KAZN: variants seen among roughly 807,000 people sequenced by gnomAD.
KAZN encodes the protein kazrin, periplakin interacting protein.
Under a neutral mutation model 87.4 loss-of-function variants are expected in KAZN, and 40 were observed. The observed-to-expected ratio is 0.46, with a 90% CI of 0.36 to 0.60. The LOEUF is 0.60. Ranked by LOEUF, KAZN falls within the 20% of genes least tolerant of loss-of-function variation. KAZN has a pLI of 0.00. For synonymous variants in KAZN, 466 were observed against 458.3 expected (o/e 1.02, Z -0.22); for missense variants, 898 against 1,073.9 (o/e 0.84, Z 2.29).
At chr1:14,641,958 C>A (rs1680437266) in intron 1 of KAZN, among the ~76,000 whole-genome samples, 1 of 152,198 alleles carries the variant, frequency 6.6e-6, no homozygotes, top group African/African-American at 2.4e-5. Context: ...AAAGAATTCT[C>A]AAACTCAGAC....
intron 1 of KAZN, among the ~76,000 whole-genome samples, chr1:13,975,679 CACCGG>C (rs1347025818): frequency 6.6e-6 from 1 of 152,136 alleles, no homozygotes; most frequent in Non-Finnish European, 1.5e-5. Flanking sequence ...AAACTTAACA[CACCGG>C]CAGGTAGATA....
chr1:15,101,008 G>A (rs951343885), intron 10 of KAZN, among the ~76,000 whole-genome samples: 3 of 152,154 alleles, frequency 2.0e-5, no homozygotes, highest in African/African-American at 7.2e-5. Flanking sequence ...TGGAGGGGCG[G>A]GGTCCCCAGA....
Position 14,413,645 on chromosome 1 carries a change from A to G in KAZN, c.250-185338A>G, listed in dbSNP as rs150971684. Among the ~76,000 whole-genome samples, 428 of 151,406 alleles carry G rather than the reference A, an allele frequency of 2.8e-3. 1 individual carries two copies. Among genetic ancestry groups the G allele is most frequent in the African/African-American group, 1.0e-2 (412 of 41,290 alleles). ...CGCATTTAAGAGAAAATATAGGAAG[A>G]CTACCTTTATGACCTCTTGGTAGAG... On this transcript the variant is annotated intron_variant, in intron 2 of 16. Coordinates refer to the KAZN transcript ENST00000636203.
chr1:14,261,603 C>T lies in KAZN; in HGVS notation c.249+81011C>T, dbSNP rs139103038. On this transcript the variant is annotated intron_variant, in intron 2 of 16. Coordinates refer to the KAZN transcript ENST00000636203. Reference sequence around the variant, plus strand: ...ACCCTTCCAGAAGGATGTGAGGAGGCGGAAAAATCGTTTGTAAAATCATGC... The same window carrying T: ...ACCCTTCCAGAAGGATGTGAGGAGGTGGAAAAATCGTTTGTAAAATCATGC... 1.6e-3 allele frequency among the ~76,000 whole-genome samples: 242 copies of T among 152,224 alleles called. 2 individuals carry two copies. The highest frequency in any genetic ancestry group is 5.3e-3 in the African/African-American group (222 of 41,532).
Position 14,979,302 on chromosome 1 carries a change from A to G in KAZN, c.418+18427A>G, listed in dbSNP as rs368413320. 4.8e-3 allele frequency among the ~76,000 whole-genome samples: 726 copies of G among 151,752 alleles called. 9 individuals are homozygous for G. The highest frequency in any genetic ancestry group is 0.043 in the South Asian group (207 of 4,784). ...TGGGCGCCTGTAATCCCAGCTACTC[A>G]GGAGGCTGAGGCAGAAGAATTGCTT... On this transcript the variant is annotated intron_variant, in intron 2 of 14. Coordinates refer to ENST00000376030, the MANE Select transcript of KAZN (RefSeq NM_201628.3).
At chr1:14,670,274 G>A (rs1572183711) in intron 1 of KAZN, among the ~76,000 whole-genome samples, 1 of 152,278 alleles carries the variant, frequency 6.6e-6, no homozygotes, top group Middle Eastern at 3.4e-3. Context: ...AGGCATTTGT[G>A]TTTGTGTCCT....
chr1:14,186,023 G>T (rs978461877), intron 2 of KAZN, among the ~76,000 whole-genome samples: 3 of 152,156 alleles, frequency 2.0e-5, no homozygotes, highest in African/African-American at 4.8e-5. Context: ...CCTCTTACTT[G>T]GGGTGAGTGA....
At chr1:14,955,640 T>A (rs1295670274) in intron 1 of KAZN, among the ~76,000 whole-genome samples, 1 of 152,230 alleles carries the variant, frequency 6.6e-6, no homozygotes, top group Non-Finnish European at 1.5e-5. Context: ...ACAGCCTGAC[T>A]GGAGGGGCAG....
intron 1 of KAZN, among the ~76,000 whole-genome samples, chr1:13,987,666 AAG>A (rs1639084574): frequency 6.7e-6 from 1 of 149,376 alleles, no homozygotes; most frequent in South Asian, 2.1e-4. Context: ...TGGAAGGGCA[AAG>A]AGAGGGAGAG....
At chr1:14,292,991 G>C (rs1024491284) in intron 2 of KAZN, among the ~76,000 whole-genome samples, 1 of 152,208 alleles carries the variant, frequency 6.6e-6, no homozygotes, top group Non-Finnish European at 1.5e-5. Context: ...GAGCATGCTG[G>C]TGAAGTGGGC....
chr1:14,603,912 T>G (rs974169927), intron 1 of KAZN, among the ~76,000 whole-genome samples: 1 of 152,208 alleles, frequency 6.6e-6, no homozygotes, highest in African/African-American at 2.4e-5. Context: ...AAGGTCAAGC[T>G]TGGGATTTGG....
intron 1 of KAZN, among the ~76,000 whole-genome samples, chr1:14,879,522 C>G (rs1439538697): frequency 6.6e-6 from 1 of 152,118 alleles, no homozygotes; most frequent in Non-Finnish European, 1.5e-5. Flanking sequence ...CAAAACGGCC[C>G]TGGGTGATCT....
At chr1:14,161,415 A>C (rs1180564866) in intron 1 of KAZN, among the ~76,000 whole-genome samples, 2 of 152,216 alleles carry the variant, frequency 1.3e-5, no homozygotes, top group Non-Finnish European at 2.9e-5. Context: ...AAGATGGTGC[A>C]CCCACATGGC....
At chr1:15,009,580 C>G (rs1367996840) in intron 2 of KAZN, among the ~76,000 whole-genome samples, 1 of 152,182 alleles carries the variant, frequency 6.6e-6, no homozygotes, top group Non-Finnish European at 1.5e-5. Flanking sequence ...CTTTGAGCAC[C>G]CATGCAGACG....
chr1:14,541,408 A>T (rs909132787), intron 2 of KAZN, among the ~76,000 whole-genome samples: 2 of 152,192 alleles, frequency 1.3e-5, no homozygotes, highest in African/African-American at 2.4e-5. Context: ...TTTTATTAAG[A>T]AAAACACTGA....
At chr1:15,111,695 G>A (rs930314585) in intron 13 of KAZN, 3 of 152,280 alleles carry the variant, frequency 2.0e-5, no homozygotes, top group Admixed American at 6.5e-5. Context: ...TTCTGTATAA[G>A]GCCAGATAGT....
chr1:14,542,226 T>C (rs1470723678), intron 2 of KAZN, among the ~76,000 whole-genome samples: 2 of 134,104 alleles, frequency 1.5e-5, no homozygotes, highest in South Asian at 2.3e-4. Context: ...TTCTCACTCA[T>C]AGGTGGGAAT....
intron 3 of KAZN, among the ~76,000 whole-genome samples, chr1:15,038,303 C>T (rs1573139317): frequency 6.6e-6 from 1 of 152,012 alleles, no homozygotes; most frequent in African/African-American, 2.4e-5. Flanking sequence ...TGAGCAGAGT[C>T]CAAGAGGATC....
chr1:14,682,742 TC>T lies in KAZN; in HGVS notation c.226+83522del, dbSNP rs373211843. Among the ~76,000 whole-genome samples the T allele has an allele frequency of 2.5e-3, 385 of 152,312 alleles. 1 individual carries two copies. The highest frequency in any genetic ancestry group is 8.9e-3 in the African/African-American group (371 of 41,580). ...TACCTTGCCCTAAACTATAAATTCTTCCCTTCCTCACATATTTACCTGTTAA... is the reference window on the plus strand; with the variant it reads ...TACCTTGCCCTAAACTATAAATTCTTCCTTCCTCACATATTTACCTGTTAA... On this transcript the variant is annotated intron_variant, in intron 1 of 14. Transcript: ENST00000376030.
Sources: gnomAD v4.1 joint callset for allele counts (sites outside exome capture counted in the v4.1 genomes callset) on GRCh38, gnomAD v4.1.1 for gene constraint, MANE v1.5 for transcripts, NCBI Gene and HGNC (gene_info 2026-07-23, HGNC 2026-07-21) for gene names.